Variants in SPINK9 observed in about 807,000 individuals in gnomAD.
SPINK9 encodes serine protease inhibitor Kazal-type 9.
In SPINK9, 3 loss-of-function variants were observed where a neutral mutation model predicts 10.8. That is an observed-to-expected ratio of 0.28 (90% CI 0.13 to 0.72). SPINK9 has a LOEUF of 0.72. Ranked by LOEUF, SPINK9 falls within the 30% of genes least tolerant of loss-of-function variation. The pLI, the probability that SPINK9 is intolerant of heterozygous loss-of-function variation, is 0.74. For missense variants in SPINK9, 101 were observed against 103.2 expected (o/e 0.98, Z 0.09); for synonymous variants, 30 against 31.2 (o/e 0.96, Z 0.12).
chr5:148,337,743 TA>T (rs1199125714), intron 2 of SPINK9, among the ~76,000 whole-genome samples: 1 of 152,106 alleles, frequency 6.6e-6, no homozygotes, highest in Admixed American at 6.6e-5. Context: ...ATTTTACAGA[TA>T]AAAAAACTAA....
At position 148,327,460 on chromosome 5, in the gene SPINK9, G is replaced by A. The variant is rs188961286; in HGVS notation, c.118+3592G>A. 5.0e-3 allele frequency among the ~76,000 whole-genome samples: 755 copies of A among 152,144 alleles called. 7 individuals are homozygous for A. The highest frequency in any genetic ancestry group is 0.017 in the African/African-American group (695 of 41,482). On this transcript the variant is annotated intron_variant, in intron 2 of 4. Transcript: ENST00000511717. ...TTTTCTCTCATTCTGTAGGTTGCCT[G>A]TTCACTCTGATGGTGGTTTCTTTTG...
chr5:148,328,118 T>G (rs1245385023), intron 2 of SPINK9, among the ~76,000 whole-genome samples: 4 of 152,250 alleles, frequency 2.6e-5, no homozygotes, highest in African/African-American at 4.8e-5. Flanking sequence ...TTTCACAATA[T>G]TGATTCTTCC....
intron 2 of SPINK9, among the ~76,000 whole-genome samples, chr5:148,325,464 C>G (rs1295451169): frequency 6.6e-6 from 1 of 152,048 alleles, no homozygotes. Flanking sequence ...CTTAACCATC[C>G]TAATGGATGG....
At chr5:148,332,184 C>T (rs937797705), upstream of SPINK9, among the ~76,000 whole-genome samples, 3 of 152,108 alleles carry the variant, frequency 2.0e-5, no homozygotes, top group South Asian at 4.1e-4. Context: ...GTACTAGTAA[C>T]GTGATAAATC....
intron 2 of SPINK9, among the ~76,000 whole-genome samples, chr5:148,329,219 C>G (rs188136826): frequency 0.017 from 2,600 of 152,254 alleles, 69 homozygotes; most frequent in East Asian, 0.068. Context: ...CAACTTCTTC[C>G]TGGTTTAGTC....
At chr5:148,332,312 G>A (rs889876650), upstream of SPINK9, among the ~76,000 whole-genome samples, 8 of 152,182 alleles carry the variant, frequency 5.3e-5, no homozygotes, top group Admixed American at 5.2e-4. Flanking sequence ...GAGTTGTTCA[G>A]TAAATTCTCA....
At chr5:148,328,339 T>C (rs890723263) in intron 2 of SPINK9, among the ~76,000 whole-genome samples, 2 of 152,230 alleles carry the variant, frequency 1.3e-5, no homozygotes, top group African/African-American at 4.8e-5. Context: ...TTGTGATTTT[T>C]GTATATTGAT....
chr5:148,335,593 T>G lies in SPINK9; in HGVS notation c.-21T>G, dbSNP rs765915511. 3 of 1,612,806 alleles carry G rather than the reference T, an allele frequency of 1.9e-6. No individual in the cohort carries two copies. The highest frequency in any genetic ancestry group is 1.7e-6 in the Non-Finnish European group (2 of 1,179,350). On this transcript the variant is annotated 5_prime_UTR_variant, in exon 1 of 4. Transcript: ENST00000377906. ...GTCACTTCTTTTCCCTACATCTGAC[T>G]GCCTTGGCCACTTCAGTACTATGAG...
intron 2 of SPINK9, among the ~76,000 whole-genome samples, chr5:148,327,415 A>G (rs1192156674): frequency 6.6e-6 from 1 of 152,158 alleles, no homozygotes; most frequent in Admixed American, 6.5e-5. Flanking sequence ...GCCCTTTGTC[A>G]GATGAGTAGG....
At chr5:148,329,155 A>T (rs1471694480) in intron 2 of SPINK9, among the ~76,000 whole-genome samples, 1 of 152,008 alleles carries the variant, frequency 6.6e-6, no homozygotes, top group African/African-American at 2.4e-5. Flanking sequence ...TTGTTTGGTA[A>T]GCTATTAATT....
chr5:148,336,018 T>C (rs1254858101), intron 1 of SPINK9, among the ~76,000 whole-genome samples: 2 of 152,312 alleles, frequency 1.3e-5, no homozygotes, highest in Non-Finnish European at 2.9e-5. Context: ...ATTCTTCTAT[T>C]ATTGAGTTAA....
At chr5:148,325,210 T>C (rs2113410445) in intron 2 of SPINK9, among the ~76,000 whole-genome samples, 1 of 152,166 alleles carries the variant, frequency 6.6e-6, no homozygotes, top group Non-Finnish European at 1.5e-5. Flanking sequence ...CAATTTGGGG[T>C]TTTATAAATA....
chr5:148,328,747 T>A (rs1757105010), intron 2 of SPINK9, among the ~76,000 whole-genome samples: 1 of 152,232 alleles, frequency 6.6e-6, no homozygotes, highest in Non-Finnish European at 1.5e-5. Context: ...CTTTTCTGCA[T>A]CTATTGAGAT....
chr5:148,331,552 G>T (rs73262449), upstream of SPINK9, among the ~76,000 whole-genome samples: 6,198 of 152,198 alleles, frequency 0.041, 429 homozygotes, highest in African/African-American at 0.14. Flanking sequence ...CTGTTTTGGT[G>T]ATCTATTGCA....
intron 2 of SPINK9, among the ~76,000 whole-genome samples, chr5:148,325,135 A>G (rs1033472149): frequency 5.9e-5 from 9 of 152,136 alleles, no homozygotes; most frequent in Non-Finnish European, 1.0e-4. Context: ...CAGCTGAAAT[A>G]TATTCCATTG....
At chr5:148,333,673 T>TC (rs1176749908), upstream of SPINK9, among the ~76,000 whole-genome samples, 1 of 152,114 alleles carries the variant, frequency 6.6e-6, no homozygotes, top group Non-Finnish European at 1.5e-5. Flanking sequence ...TATGGAGAAG[T>TC]CCTTATGCTC....
At chr5:148,326,024 C>T (rs1278945731) in intron 2 of SPINK9, among the ~76,000 whole-genome samples, 1 of 152,016 alleles carries the variant, frequency 6.6e-6, no homozygotes, top group Non-Finnish European at 1.5e-5. Flanking sequence ...CGCCATATAT[C>T]CAAAATATAC....
chr5:148,328,159 G>T (rs1206099341), intron 2 of SPINK9, among the ~76,000 whole-genome samples: 1 of 152,096 alleles, frequency 6.6e-6, no homozygotes, highest in Non-Finnish European at 1.5e-5. Context: ...TCTTCCATTT[G>T]TTTGTATCCT....
At chr5:148,329,860 G>A (rs535038113) in intron 2 of SPINK9, among the ~76,000 whole-genome samples, 1 of 152,264 alleles carries the variant, frequency 6.6e-6, no homozygotes, top group Non-Finnish European at 1.5e-5. Flanking sequence ...TTGCACTGTG[G>A]TCTGAGAGAC....
Sources: gnomAD v4.1 joint callset for allele counts (sites outside exome capture counted in the v4.1 genomes callset) on GRCh38, gnomAD v4.1.1 for gene constraint, MANE v1.5 for transcripts, NCBI Gene and HGNC (gene_info 2026-07-23, HGNC 2026-07-21) for gene names.